HSDL2: variants seen among roughly 807,000 people sequenced by gnomAD.
HSDL2 encodes hydroxysteroid dehydrogenase like 2.
A neutral mutation model predicts 46.3 loss-of-function variants in HSDL2; 27 were observed. That is an observed-to-expected ratio of 0.58 (90% CI 0.43 to 0.80). The LOEUF is 0.80. Ranked by LOEUF, HSDL2 falls within the 30% of genes least tolerant of loss-of-function variation. HSDL2 has a pLI of 0.00. For missense variants in HSDL2, 451 were observed against 502.7 expected (o/e 0.90, Z 0.98); for synonymous variants, 153 against 163.6 (o/e 0.94, Z 0.50).
At chr9:112,427,900 C>G (rs916991066) in intron 6 of HSDL2, among the ~76,000 whole-genome samples, 1 of 152,148 alleles carries the variant, frequency 6.6e-6, no homozygotes, top group African/African-American at 2.4e-5. Context: ...ACTTCTTTGG[C>G]CTTTTTACCT....
chr9:112,460,213 C>T (rs1469969053), intron 10 of HSDL2, among the ~76,000 whole-genome samples: 1 of 152,156 alleles, frequency 6.6e-6, no homozygotes, highest in East Asian at 1.9e-4. Flanking sequence ...AGCATAACAT[C>T]CTGATCTAAA....
intron 6 of HSDL2, among the ~76,000 whole-genome samples, chr9:112,436,355 A>C (rs528077478): frequency 6.6e-6 from 1 of 152,114 alleles, no homozygotes; most frequent in African/African-American, 2.4e-5. Context: ...TTAATTGAAC[A>C]TTAAACAAAA....
At chr9:112,456,770 G>GT (rs1564132368) in intron 9 of HSDL2, among the ~76,000 whole-genome samples, 1 of 152,090 alleles carries the variant, frequency 6.6e-6, no homozygotes, top group African/African-American at 2.4e-5. Flanking sequence ...CCAGGAAATG[G>GT]TTTTTTTGCA....
chr9:112,420,805 T>G (rs1426618362), intron 6 of HSDL2, among the ~76,000 whole-genome samples: 2 of 152,252 alleles, frequency 1.3e-5, no homozygotes, highest in East Asian at 3.8e-4. Context: ...TGTAACATCA[T>G]ATACATTTCT....
intron 10 of HSDL2, among the ~76,000 whole-genome samples, chr9:112,462,452 G>T (rs1002402150): frequency 5.7e-5 from 5 of 87,620 alleles, no homozygotes; most frequent in African/African-American, 2.4e-4. Flanking sequence ...GACTGACTGA[G>T]ACCCTGTCTC....
intron 5 of HSDL2, among the ~76,000 whole-genome samples, chr9:112,417,691 C>T (rs1832023459): frequency 6.6e-6 from 1 of 151,856 alleles, no homozygotes; most frequent in African/African-American, 2.4e-5. Flanking sequence ...AGAAGTTCCA[C>T]TTTAATTGAC....
rs117890322 is a variant in HSDL2 at position 112,399,045 on chromosome 9, C to T, written c.18-4950C>T. On this transcript the variant is annotated intron_variant, in intron 1 of 10. Coordinates refer to ENST00000398805, the MANE Select transcript of HSDL2 (RefSeq NM_032303.5). The stretch of plus-strand genomic sequence containing the variant: ...TTTCTATGCACGTACCAAAAGGAAT[C>T]GGGTTCCCACATGCACTTAGGAAAA... Among the ~76,000 whole-genome samples the T allele has an allele frequency of 4.4e-3, 634 of 144,088 alleles. 26 individuals are homozygous for T. The East Asian group carries it at 0.11, about 25-fold the overall frequency. The allele number at this position is 144,088 out of a possible 152,430, so 94.5% of individuals were successfully genotyped here.
chr9:112,465,206 G>A (rs1008628376), intron 10 of HSDL2, among the ~76,000 whole-genome samples: 3 of 152,168 alleles, frequency 2.0e-5, no homozygotes, highest in Non-Finnish European at 4.4e-5. Context: ...TCAGCTTACT[G>A]CAACATCTGC....
In HSDL2 at chr9:112,451,846, T is replaced by C. The variant is rs140701003; in HGVS notation, c.866-2167T>C. On this transcript the variant is annotated intron_variant, in intron 8 of 10. Coordinates refer to ENST00000398805, the MANE Select transcript of HSDL2 (RefSeq NM_032303.5). Reference sequence around the variant, plus strand: ...TTTGAAGATAAACATGAGACAAAACTAATATATGGTGTTAGCAATTAGGAG... The same window carrying C: ...TTTGAAGATAAACATGAGACAAAACCAATATATGGTGTTAGCAATTAGGAG... Among the ~76,000 whole-genome samples, 107 of 152,208 alleles carry C rather than the reference T, an allele frequency of 7.0e-4. 1 individual carries two copies. In the East Asian group the frequency reaches 0.019, roughly 27 times the overall value.
At chr9:112,452,418 T>G (rs967539024) in intron 8 of HSDL2, among the ~76,000 whole-genome samples, 1 of 152,188 alleles carries the variant, frequency 6.6e-6, no homozygotes, top group Admixed American at 6.5e-5. Flanking sequence ...GGGCAACTAC[T>G]TAGCTGCCTC....
chr9:112,431,406 A>G (rs889978553), intron 6 of HSDL2, among the ~76,000 whole-genome samples: 1 of 152,202 alleles, frequency 6.6e-6, no homozygotes, highest in African/African-American at 2.4e-5. Flanking sequence ...GAAGAAGAGG[A>G]AGACCCACAT....
intron 10 of HSDL2, among the ~76,000 whole-genome samples, chr9:112,462,820 CTCA>C (rs1484212957): frequency 5.3e-5 from 8 of 152,186 alleles, no homozygotes; most frequent in Non-Finnish European, 1.0e-4. Flanking sequence ...AAAAAATTCT[CTCA>C]TGTCTCTTTG....
chr9:112,435,139 A>G (rs1053981457), intron 6 of HSDL2, among the ~76,000 whole-genome samples: 1 of 152,058 alleles, frequency 6.6e-6, no homozygotes, highest in South Asian at 2.1e-4. Flanking sequence ...TTGAGTTTTG[A>G]GTGCCTAGTT....
chr9:112,403,874 G>A (rs1447156602), intron 1 of HSDL2, 121 bp from the exon 2 acceptor site: 5 of 966,020 alleles, frequency 5.2e-6, no homozygotes, highest in African/African-American at 4.9e-5. Context: ...GCATGGGGAG[G>A]GTTTAGAGAA....
intron 6 of HSDL2, among the ~76,000 whole-genome samples, chr9:112,420,854 A>C (rs184508472): frequency 6.6e-6 from 1 of 152,172 alleles, no homozygotes; most frequent in African/African-American, 2.4e-5. Flanking sequence ...TTTAGAAATA[A>C]CTCAATAACT....
At chr9:112,465,145 T>C (rs1172771690) in intron 10 of HSDL2, among the ~76,000 whole-genome samples, 1 of 152,264 alleles carries the variant, frequency 6.6e-6, no homozygotes, top group East Asian at 1.9e-4. Flanking sequence ...TTTTTATTTT[T>C]TGAGACAGAG....
intron 1 of HSDL2, among the ~76,000 whole-genome samples, chr9:112,399,417 A>G (rs917509647): frequency 2.6e-5 from 4 of 152,210 alleles, no homozygotes; most frequent in Non-Finnish European, 5.9e-5. Context: ...ATAAGGATCT[A>G]TGTTCAGTGG....
intron 1 of HSDL2, among the ~76,000 whole-genome samples, chr9:112,382,154 A>C (rs1430815369): frequency 6.6e-6 from 1 of 152,184 alleles, no homozygotes. Flanking sequence ...CCAGCTACTC[A>C]GGAGGCTGAG....
chr9:112,402,798 G>A (rs1831637407), intron 1 of HSDL2, among the ~76,000 whole-genome samples: 1 of 152,184 alleles, frequency 6.6e-6, no homozygotes, highest in African/African-American at 2.4e-5. Flanking sequence ...GCCCACGCCT[G>A]TAGTCCCAGC....
Sources: gnomAD v4.1 joint callset for allele counts (sites outside exome capture counted in the v4.1 genomes callset) on GRCh38, gnomAD v4.1.1 for gene constraint, MANE v1.5 for transcripts, NCBI Gene and HGNC (gene_info 2026-07-23, HGNC 2026-07-21) for gene names.